HTR4: variants seen among roughly 807,000 people sequenced by gnomAD.
The protein encoded by HTR4 is 5-hydroxytryptamine receptor 4.
HTR4 carries 16 observed loss-of-function variants against 36.8 expected under a neutral mutation model. That is an observed-to-expected ratio of 0.43 (90% CI 0.29 to 0.66). The LOEUF (loss-of-function observed/expected upper bound fraction) is 0.66. Ranked by LOEUF, HTR4 falls within the 30% of genes least tolerant of loss-of-function variation. HTR4 has a pLI of 0.13. For missense variants in HTR4, 438 were observed against 490.9 expected (o/e 0.89, Z 1.02); for synonymous variants, 189 against 185.1 (o/e 1.02, Z -0.17).
intron 4 of HTR4, among the ~76,000 whole-genome samples, chr5:148,537,078 A>G (rs1426628559): frequency 6.6e-6 from 1 of 152,262 alleles, no homozygotes. Context: ...GTCAAGGCTA[A>G]GAAAATTACT....
intron 2 of HTR4, among the ~76,000 whole-genome samples, chr5:148,594,093 T>G (rs1761677143): frequency 6.6e-6 from 1 of 152,176 alleles, no homozygotes; most frequent in African/African-American, 2.4e-5. Context: ...AATATTCTTC[T>G]TTTTAGGAAT....
chr5:148,614,752 A>G (rs368816667), intron 2 of HTR4, among the ~76,000 whole-genome samples: 1 of 152,018 alleles, frequency 6.6e-6, no homozygotes, highest in East Asian at 1.9e-4. Flanking sequence ...GCAACCTACA[A>G]AATGGGAGAA....
chr5:148,452,301 A>G (rs1370076058), intron 5 of HTR4, among the ~76,000 whole-genome samples: 2 of 152,194 alleles, frequency 1.3e-5, no homozygotes, highest in Non-Finnish European at 2.9e-5. Context: ...TATAGGTCAT[A>G]CATGAAGACA....
At chr5:148,476,405 C>A (rs767890712), downstream of HTR4, among the ~76,000 whole-genome samples, 1 of 152,160 alleles carries the variant, frequency 6.6e-6, no homozygotes, top group Non-Finnish European at 1.5e-5. Flanking sequence ...GGTGATATAA[C>A]GGTATTTTAA....
intron 6 of HTR4, among the ~76,000 whole-genome samples, chr5:148,491,377 T>C (rs1756428503): frequency 6.6e-6 from 1 of 152,046 alleles, no homozygotes; most frequent in Admixed American, 6.6e-5. Flanking sequence ...AGGAGCCAAA[T>C]GGTGCAGGGG....
chr5:148,490,172 CAT>C (rs1323999118), intron 6 of HTR4, among the ~76,000 whole-genome samples: 2 of 147,208 alleles, frequency 1.4e-5, no homozygotes, highest in African/African-American at 5.0e-5. Context: ...TATACATATA[CAT>C]ATATATGTAT....
At chr5:148,567,817 C>T (rs932164391) in intron 2 of HTR4, among the ~76,000 whole-genome samples, 2 of 152,096 alleles carry the variant, frequency 1.3e-5, no homozygotes, top group Non-Finnish European at 2.9e-5. Flanking sequence ...TTCTCAGATT[C>T]ACTATGCTGC....
chr5:148,453,660 C>T (rs915636647), intron 5 of HTR4, among the ~76,000 whole-genome samples: 7 of 152,180 alleles, frequency 4.6e-5, no homozygotes, highest in South Asian at 2.1e-4. Flanking sequence ...AAGGAGTTGA[C>T]GTCAGCAAGG....
chr5:148,515,380 G>A (rs981471473), intron 5 of HTR4, among the ~76,000 whole-genome samples: 3 of 152,100 alleles, frequency 2.0e-5, no homozygotes, highest in African/African-American at 7.2e-5. Context: ...TATTTTAATA[G>A]TCAACGTTCT....
At chr5:148,451,512 TA>T (rs1561555706) in intron 5 of HTR4, among the ~76,000 whole-genome samples, 1 of 151,948 alleles carries the variant, frequency 6.6e-6, no homozygotes, top group African/African-American at 2.4e-5. Flanking sequence ...TAGGAGTGCA[TA>T]GGGGGTAAGT....
At chr5:148,537,906 C>T (rs938936567) in intron 4 of HTR4, among the ~76,000 whole-genome samples, 2 of 152,100 alleles carry the variant, frequency 1.3e-5, no homozygotes, top group African/African-American at 4.8e-5. Flanking sequence ...CGTCTTGATA[C>T]CAACACCTGG....
chr5:148,647,249 T>G, intron 1 of HTR4, among the ~76,000 whole-genome samples: 1 of 152,248 alleles, frequency 6.6e-6, no homozygotes, highest in Non-Finnish European at 1.5e-5. Context: ...GTCATTTTCA[T>G]AAATTATTTT....
At chr5:148,542,366 G>C (rs551047516) in intron 4 of HTR4, among the ~76,000 whole-genome samples, 2 of 152,118 alleles carry the variant, frequency 1.3e-5, no homozygotes, top group Non-Finnish European at 2.9e-5. Flanking sequence ...TTACAAAATC[G>C]AATTATACTC....
chr5:148,482,586 G>T lies in HTR4; in HGVS notation c.*617C>A. 1 of 986,690 alleles carries T rather than the reference G, an allele frequency of 1.0e-6. No homozygotes were observed. The highest frequency in any genetic ancestry group is 1.2e-6 in the Non-Finnish European group (1 of 830,804). 61.1% of individuals were successfully genotyped at this position (986,690 alleles called of 1,614,324 possible). A position where few individuals can be genotyped will look rare whatever the true frequency, so the allele number is the denominator to read the frequency against. On this transcript the variant is annotated 3_prime_UTR_variant, in exon 7 of 7. Transcript: ENST00000377888. ...CATTGGACATAAGGAAGAGCAAGTGGACGTCTGGGACTGACAAGGGGGCCA... is the reference window on the plus strand; with the variant it reads ...CATTGGACATAAGGAAGAGCAAGTGTACGTCTGGGACTGACAAGGGGGCCA...
intron 6 of HTR4, 85 bp downstream of exon 6, chr5:148,509,371 C>A (rs186425220): frequency 5.9e-6 from 6 of 1,010,324 alleles, no homozygotes; most frequent in Non-Finnish European, 8.7e-6. Context: ...TCAGGGATAA[C>A]CCCTTTGGAA....
chr5:148,477,090 G>T (rs897650519), downstream of HTR4, among the ~76,000 whole-genome samples: 1 of 152,152 alleles, frequency 6.6e-6, no homozygotes, highest in Non-Finnish European at 1.5e-5. Flanking sequence ...TGGGGAAATG[G>T]CATGCTGAAA....
intron 2 of HTR4, among the ~76,000 whole-genome samples, chr5:148,555,207 C>A (rs185832756): frequency 1.3e-5 from 2 of 152,106 alleles, no homozygotes; most frequent in Non-Finnish European, 2.9e-5. Flanking sequence ...ATCCTTATAA[C>A]ATGAATTCTC....
chr5:148,620,449 T>C (rs1752873556), intron 2 of HTR4, among the ~76,000 whole-genome samples: 1 of 152,234 alleles, frequency 6.6e-6, no homozygotes, highest in South Asian at 2.1e-4. Flanking sequence ...CTGTCCGATA[T>C]GGTAGCCACT....
chr5:148,472,446 A>C (rs546040062), downstream of HTR4, among the ~76,000 whole-genome samples: 118 of 152,310 alleles, frequency 7.7e-4, 1 homozygote, highest in Non-Finnish European at 1.1e-3. Context: ...TGCCAATTAG[A>C]GAATGACTTT....
Sources: allele counts gnomAD v4.1 joint callset (sites outside exome capture counted in the v4.1 genomes callset), GRCh38; gene constraint gnomAD v4.1.1; transcripts MANE v1.5; gene names NCBI Gene and HGNC (gene_info 2026-07-23, HGNC 2026-07-21).